Variants in TRMU observed in about 807,000 individuals in gnomAD.
TRMU encodes tRNA mitochondrial 2-thiouridylase.
In TRMU, 49 loss-of-function variants were observed where a neutral mutation model predicts 46.9. The observed-to-expected ratio is 1.05, with a 90% CI of 0.83 to 1.33. The LOEUF (loss-of-function observed/expected upper bound fraction) is 1.33, where lower values mean the gene tolerates loss of function less well. Ranked by LOEUF, TRMU falls within the 40% of genes most tolerant of loss-of-function variation. The probability of loss-of-function intolerance (pLI) is 0.00; values close to 1 mark genes in which losing one functional copy is unlikely to be tolerated. For synonymous variants in TRMU, 241 were observed against 200.9 expected, an observed-to-expected ratio of 1.20 and a Z score of -1.69; for missense variants, 572 against 532.4, an observed-to-expected ratio of 1.07 and a Z score of -0.73.
chr22:46,353,456 A>G (rs1368621884), intron 7 of TRMU: 2 of 370,852 alleles, frequency 5.4e-6, no homozygotes, highest in Admixed American at 3.7e-5. Context: ...GGCGTCACAC[A>G]GGGCACCCAG....
intron 10 of TRMU, chr22:46,356,503 G>T: frequency 2.3e-6 from 1 of 436,922 alleles, no homozygotes; most frequent in East Asian, 4.2e-5. Context: ...GAGGGAAGCG[G>T]AAGCATCCTC....
rs769856303 is a variant in TRMU, at chr22:46,350,362, G to A, written c.550G>A (p.Ala184Thr). Residue 184 changes from alanine to threonine, a missense_variant, in exon 5 of 11, where the codon GCC (alanine) becomes ACC (threonine). Coordinates refer to ENST00000645190, the MANE Select transcript of TRMU (RefSeq NM_018006.5). This position sits in a 1 kb window ranked among gnomAD's most constrained non-coding sequence, Gnocchi z 4.6. ...TFFLSQVSQD[A>T]LRRTIFPLGG... ...CTTTCTCAGCCAGGTTTCCCAGGAT[G>A]CCCTGAGGAGAACCATCTTCCCTCT... 12 of 1,614,120 alleles carry A rather than the reference G, an allele frequency of 7.4e-6. No individual in the cohort carries two copies. Among genetic ancestry groups the A allele is most frequent in the Non-Finnish European group, 1.0e-5 (12 of 1,180,038 alleles).
At position 46,355,584 on chromosome 22, in the gene TRMU, A is replaced by C. The variant is rs2078577990; in HGVS notation, c.1014A>C (p.Ala338=). Reference sequence around the variant, plus strand: ...ACTTCCGATTCCGCCACCAGATGGCACTAGGTGACTGACGGGAGGGCTCCT... The same window carrying C: ...ACTTCCGATTCCGCCACCAGATGGCCCTAGGTGACTGACGGGAGGGCTCCT... ...ECHFRFRHQM[A]LVPCVLTLNQ... is the part of the protein sequence containing the mutation. The change falls in exon 9 of 11, where the codon GCA becomes GCC. Residue 338 remains alanine, a synonymous_variant. Coordinates refer to ENST00000645190, the MANE Select transcript of TRMU (RefSeq NM_018006.5). 6.2e-7 allele frequency: 1 copy of C among 1,613,344 alleles called. No homozygotes were observed. The highest frequency in any genetic ancestry group is 8.5e-7 in the Non-Finnish European group (1 of 1,180,034).
At chr22:46,353,714 C>T (rs1601984596) in intron 7 of TRMU, 53 bp from the exon 8 acceptor site, 1 of 1,549,556 alleles carries the variant, frequency 6.5e-7, no homozygotes. Flanking sequence ...TGAGGCGTGA[C>T]ATGTGGGCTG....
At chr22:46,346,804 C>T (rs1187752881) in intron 4 of TRMU, among the ~76,000 whole-genome samples, 1 of 152,226 alleles carries the variant, frequency 6.6e-6, no homozygotes, top group African/African-American at 2.4e-5. Context: ...GATAATCCAG[C>T]TCTCGACACT....
chr22:46,338,275 A>G lies in TRMU; in HGVS notation c.248+331A>G, dbSNP rs2078033336. 1 of 372,376 alleles carries G rather than the reference A, an allele frequency of 2.7e-6. No individual in the cohort carries two copies. The highest frequency in any genetic ancestry group is 5.2e-6 in the Non-Finnish European group (1 of 192,730). 23.1% of individuals were successfully genotyped at this position (372,376 alleles called of 1,614,324 possible). ...GGGCTCCCCTGGAAGGTGAGCACCA[A>G]TGCCTGTGTGCTATGTGGGTCAGCG... On this transcript the variant is annotated intron_variant, in intron 2 of 10. Coordinates refer to ENST00000645190, the MANE Select transcript of TRMU (RefSeq NM_018006.5). The surrounding 1 kb of genome is among the most constrained non-coding windows in gnomAD (Gnocchi z 4.5).
Position 46,350,607 on chromosome 22 carries a change from G to A in TRMU, c.651+144G>A. The A allele has an allele frequency of 9.6e-7, 1 of 1,045,064 alleles. No individual in the cohort carries two copies. The highest frequency in any genetic ancestry group is 1.3e-5 in the South Asian group (1 of 75,772). 64.7% of individuals were successfully genotyped at this position (1,045,064 alleles called of 1,614,324 possible). A position where few individuals can be genotyped will look rare whatever the true frequency, so the allele number is the denominator to read the frequency against. On this transcript the variant is annotated intron_variant, in intron 5 of 10. Coordinates refer to ENST00000645190, the MANE Select transcript of TRMU (RefSeq NM_018006.5). The surrounding 1 kb of genome is among the most constrained non-coding windows in gnomAD (Gnocchi z 4.6). The stretch of plus-strand genomic sequence containing the variant: ...GGCGGGCCTTGGAGCAATAGATGGA[G>A]GAGTTTGCTGAGGCGCACGGTACAG...
Position 46,339,230 on chromosome 22 carries a change from A to C in TRMU, c.248+1286A>C, listed in dbSNP as rs1265558817. The stretch of plus-strand genomic sequence containing the variant: ...AGTGGCGCAATCTTGGCTCACTGCA[A>C]CATCTGCCTCCCAGGTTCAAGCGAT... On this transcript the variant is annotated intron_variant, in intron 2 of 10. Transcript: ENST00000645190. This position sits in a 1 kb window ranked among gnomAD's most constrained non-coding sequence, Gnocchi z 4.8. 6.6e-6 allele frequency among the ~76,000 whole-genome samples: 1 copy of C among 152,176 alleles called. No individual in the cohort carries two copies. The highest frequency in any genetic ancestry group is 2.4e-5 in the African/African-American group (1 of 41,430).
chr22:46,351,277 C>G lies in TRMU; in HGVS notation c.651+814C>G, dbSNP rs148966400. 4.2e-3 allele frequency among the ~76,000 whole-genome samples: 639 copies of G among 152,250 alleles called. 2 individuals are homozygous for G. The highest frequency in any genetic ancestry group is 0.015 in the African/African-American group (604 of 41,530). On this transcript the variant is annotated intron_variant, in intron 5 of 10. Coordinates refer to ENST00000645190, the MANE Select transcript of TRMU (RefSeq NM_018006.5). This position sits in a 1 kb window ranked among gnomAD's most constrained non-coding sequence, Gnocchi z 6.4. ...CAGCTCCTCAGGAGGATCGAGCGCA[C>G]CCAGGAGTTTGAGGACAGCCTGGGC...
At chr22:46,340,209 G>A (rs767022749) in intron 2 of TRMU, among the ~76,000 whole-genome samples, 24 of 152,306 alleles carry the variant, frequency 1.6e-4, no homozygotes, top group Non-Finnish European at 4.4e-5. Flanking sequence ...GGTGTGGGGG[G>A]TTGTCAGGGT....
rs781767431 is a variant in TRMU, at chr22:46,356,062, C to T, written c.1091C>T (p.Ala364Val). The change falls in exon 10 of 11, where the codon GCC becomes GTC. Residue 364 changes from alanine (A) to valine (V), a missense_variant. By Grantham distance (64) the Ala-to-Val change is moderately conservative. Coordinates refer to ENST00000645190, the MANE Select transcript of TRMU (RefSeq NM_018006.5). ...GCTGTGCAGGCTGTGCGTGCCCTTGCCACAGGACAGGTGCGTGGGGTGTGG... is the reference window on the plus strand; with the variant it reads ...GCTGTGCAGGCTGTGCGTGCCCTTGTCACAGGACAGGTGCGTGGGGTGTGG... ...VTAVQAVRAL[A>V]TGQFAVFYKG... is the part of the protein sequence containing the mutation. 1.4e-5 allele frequency: 22 copies of T among 1,613,794 alleles called. No homozygotes were observed. Among genetic ancestry groups the T allele is most frequent in the Non-Finnish European group, 1.8e-5 (21 of 1,179,936 alleles).
intron 9 of TRMU, 165 bp downstream of exon 9, chr22:46,355,753 A>T: frequency 7.8e-7 from 1 of 1,284,884 alleles, no homozygotes; most frequent in Non-Finnish European, 1.1e-6. Context: ...GCCTGCCCTG[A>T]GCGAGGCCTG....
rs769187023 is a variant in TRMU, at chr22:46,352,081, C to G, written c.652-40C>G. 4.3e-6 allele frequency: 7 copies of G among 1,610,276 alleles called. No homozygotes were observed. In the South Asian group the frequency reaches 6.6e-5, roughly 15 times the overall value. ...GTCTGGGTACAGCTTGGGCCACCGC[C>G]ACTTCTGCTCCTCTCACGGCTGCCG... is the stretch of plus-strand genomic sequence containing the variant. On this transcript the variant is annotated intron_variant, in intron 5 of 10. Transcript: ENST00000645190.
At chr22:46,340,539 A>G (rs2078095557) in intron 2 of TRMU, among the ~76,000 whole-genome samples, 1 of 151,078 alleles carries the variant, frequency 6.6e-6, no homozygotes, top group Non-Finnish European at 1.5e-5. Flanking sequence ...CCCCAGAATT[A>G]GGAGCGGAGC....
chr22:46,346,754 C>A (rs577402209), intron 4 of TRMU, among the ~76,000 whole-genome samples: 1 of 152,188 alleles, frequency 6.6e-6, no homozygotes, highest in African/African-American at 2.4e-5. Flanking sequence ...GTGTCCCTGC[C>A]GGCCATGGTG....
At position 46,356,309 on chromosome 22, in the gene TRMU, G is replaced by C. The variant is rs1193785976; in HGVS notation, c.1101+237G>C. The C allele has an allele frequency of 8.9e-6, 5 of 559,232 alleles. No homozygotes were observed. In the African/African-American group the frequency reaches 9.4e-5, roughly 11 times the overall value. 34.6% of individuals were successfully genotyped at this position (559,232 alleles called of 1,614,324 possible). ...CCAGTTCCTGCTCGGGCCCTGAGAG[G>C]CTCAGCTGCTGCCCGGGCCCCAGAA... On this transcript the variant is annotated intron_variant, in intron 10 of 10. Transcript: ENST00000645190.
At chr22:46,353,661 C>CCTAG (rs1177952658) in intron 7 of TRMU, 106 bp from the exon 8 acceptor site, 1 of 1,011,610 alleles carries the variant, frequency 9.9e-7, no homozygotes, top group East Asian at 2.5e-5. Flanking sequence ...TACACCATTG[C>CCTAG]TGGGCCTGCT....
chr22:46,343,089 A>G (rs867854144), intron 2 of TRMU, among the ~76,000 whole-genome samples, 173 bp from the exon 3 acceptor site: 7 of 152,234 alleles, frequency 4.6e-5, no homozygotes, highest in Non-Finnish European at 1.0e-4. Context: ...CGGGTGGCCC[A>G]TGCAGCAGGT....
chr22:46,352,282 G>C lies in TRMU; in HGVS notation c.724G>C (p.Gly242Arg), dbSNP rs769144412. 7 of 1,614,074 alleles carry C rather than the reference G, an allele frequency of 4.3e-6. No individual in the cohort carries two copies. The highest frequency in any genetic ancestry group is 3.4e-6 in the Non-Finnish European group (4 of 1,180,030). ...TTTCCAGTATCTGCAGCCTCGACCTGGTCACTTTATTTCCATAGAAGACAA... is the reference window on the plus strand; with the variant it reads ...TTTCCAGTATCTGCAGCCTCGACCTCGTCACTTTATTTCCATAGAAGACAA... Reference protein sequence around the residue: ...FLLQYLQPRPGHFISIEDNKV... With the variant: ...FLLQYLQPRPRHFISIEDNKV... Residue 242 changes from glycine to arginine, a missense_variant, in exon 7 of 11, where the codon GGT becomes CGT. Physicochemically the swap from Gly to Arg is moderately radical, Grantham distance 125. Coordinates refer to ENST00000645190, the MANE Select transcript of TRMU (RefSeq NM_018006.5).
Sources: allele counts gnomAD v4.1 joint callset (sites outside exome capture counted in the v4.1 genomes callset), GRCh38; gene constraint gnomAD v4.1.1; non-coding constraint Gnocchi (gnomAD v3.1); transcripts MANE v1.5; gene names NCBI Gene and HGNC (gene_info 2026-07-23, HGNC 2026-07-21).